Variants in RAPGEF2 observed in about 807,000 individuals in gnomAD.
RAPGEF2 encodes Rap guanine nucleotide exchange factor 2, also known as PDZ domain containing guanine nucleotide exchange factor (GEF) 1.
RAPGEF2 carries 54 observed loss-of-function variants against 186.7 expected under a neutral mutation model. The ratio of observed to expected loss-of-function variants is 0.29; its 90% confidence interval spans 0.23 to 0.36. The LOEUF is 0.36. Among genes scored for constraint, RAPGEF2 ranks in the 10% least tolerant of loss-of-function variants. The pLI is 1.00. For missense variants in RAPGEF2, 1,532 were observed against 2,045.0 expected, an observed-to-expected ratio of 0.75 and a Z score of 4.84; for synonymous variants, 712 against 705.9, an observed-to-expected ratio of 1.01 and a Z score of -0.14.
At chr4:159,164,097 T>C (rs565260074) in intron 1 of RAPGEF2, among the ~76,000 whole-genome samples, 101 of 151,840 alleles carry the variant, frequency 6.7e-4, no homozygotes, top group Non-Finnish European at 1.1e-3. Context: ...CTCCACCTCC[T>C]GGGTTCACGC....
chr4:159,273,656 TTCTTTCTTTC>T lies in RAPGEF2; in HGVS notation c.543+29867_543+29876del, dbSNP rs1216823741. ...TTTCTTTCTTTCTTTCTTTCTTTCT[TTCTTTCTTTC>T]TTTCTTTCTTTCTTTCTTTCTTTCT... On this transcript the variant is annotated intron_variant, in intron 7 of 29. Transcript: ENST00000691494. Among the ~76,000 whole-genome samples, 4 of 147,054 alleles carry T rather than the reference TTCTTTCTTTC, an allele frequency of 2.7e-5. No individual in the cohort carries two copies. In the East Asian group the frequency reaches 7.9e-4, roughly 29 times the overall value.
At chr4:159,301,859 TAAAATAA>T (rs1429663447) in intron 7 of RAPGEF2, among the ~76,000 whole-genome samples, 1 of 152,104 alleles carries the variant, frequency 6.6e-6, no homozygotes, top group Non-Finnish European at 1.5e-5. Flanking sequence ...ACCCTGTCTT[TAAAATAA>T]AAAATAAAAA....
intron 7 of RAPGEF2, among the ~76,000 whole-genome samples, chr4:159,257,102 T>G (rs2111536054): frequency 6.6e-6 from 1 of 152,294 alleles, no homozygotes; most frequent in Admixed American, 6.5e-5. Flanking sequence ...GTTTTTGTTT[T>G]GTTTTGTTTT....
chr4:159,337,895 A>AAAAAAAAAAAAAAAAAAAG (rs1767670256), intron 17 of RAPGEF2, among the ~76,000 whole-genome samples: 3 of 145,956 alleles, frequency 2.1e-5, no homozygotes, highest in Admixed American at 1.4e-4. Context: ...ATCTCAAAAA[A>AAAAAAAAAAAAAAAAAAAG]AAAAAAAAAA....
intron 7 of RAPGEF2, among the ~76,000 whole-genome samples, chr4:159,267,584 C>T (rs955610777): frequency 2.6e-5 from 4 of 152,164 alleles, no homozygotes; most frequent in South Asian, 2.1e-4. Flanking sequence ...CCGATTCACA[C>T]GCTCTGCCCT....
At chr4:159,183,157 T>G (rs1021244329) in intron 1 of RAPGEF2, among the ~76,000 whole-genome samples, 4 of 152,168 alleles carry the variant, frequency 2.6e-5, no homozygotes, top group Non-Finnish European at 5.9e-5. Flanking sequence ...ACACTCACAA[T>G]TCACAGTTTC....
intron 7 of RAPGEF2, among the ~76,000 whole-genome samples, chr4:159,260,639 A>G (rs1445664878): frequency 6.6e-6 from 1 of 152,202 alleles, no homozygotes; most frequent in Admixed American, 6.5e-5. Context: ...TAGCACAGGT[A>G]TTTGACACTC....
chr4:159,228,797 TAAAC>T (rs1579524912), intron 4 of RAPGEF2, among the ~76,000 whole-genome samples: 1 of 152,250 alleles, frequency 6.6e-6, no homozygotes, highest in East Asian at 1.9e-4. Context: ...TTTTGCTTCT[TAAAC>T]TAATGAGTCA....
At position 159,352,684 on chromosome 4, in the gene RAPGEF2, G is replaced by A; in HGVS notation, c.3866-1G>A. On this transcript the variant is annotated splice_acceptor_variant, in intron 26 of 29. Transcript: ENST00000691494. LOFTEE classifies it high-confidence loss of function. ...TTAATACGGTTGTATTTCTCATGCA[G>A]GCTATACTTTGGCTCCCAGTGGTAC... The A allele has an allele frequency of 6.2e-7, 1 of 1,608,738 alleles. No individual in the cohort carries two copies. The highest frequency in any genetic ancestry group is 8.5e-7 in the Non-Finnish European group (1 of 1,175,112).
chr4:159,234,650 G>A (rs1418394424), intron 4 of RAPGEF2, among the ~76,000 whole-genome samples: 1 of 149,694 alleles, frequency 6.7e-6, no homozygotes, highest in East Asian at 2.0e-4. Context: ...CCACCTCCCA[G>A]GTTCATGCCG....
rs752947170 is a variant in RAPGEF2 at position 159,322,490 on chromosome 4, A to G, written c.990+7A>G. 5.6e-6 allele frequency: 9 copies of G among 1,612,068 alleles called. No individual in the cohort carries two copies. The highest frequency in any genetic ancestry group is 5.5e-5 in the South Asian group (5 of 90,862). ...GTTAAATGATGGTGAAGAGGTGAGT[A>G]ACTATTCCTACCACTTAAAAAGTTT... On this transcript the variant is annotated splice_region_variant and intron_variant, in intron 10 of 29. Transcript: ENST00000691494.
intron 13 of RAPGEF2, chr4:159,330,716 A>C: frequency 2.2e-6 from 1 of 460,952 alleles, no homozygotes; most frequent in Non-Finnish European, 3.8e-6. Context: ...AGCCTTCTTT[A>C]AACACAAAGG....
chr4:159,253,936 C>G (rs1280246957), intron 7 of RAPGEF2, among the ~76,000 whole-genome samples: 1 of 151,942 alleles, frequency 6.6e-6, no homozygotes, highest in East Asian at 1.9e-4. Context: ...GAGCGAGACT[C>G]CGTCTCAAAA....
intron 7 of RAPGEF2, among the ~76,000 whole-genome samples, chr4:159,292,304 G>C (rs1188542281): frequency 6.6e-6 from 1 of 152,092 alleles, no homozygotes; most frequent in East Asian, 1.9e-4. Flanking sequence ...CCTACCTTGG[G>C]CTTTTGCTCT....
At chr4:159,261,227 A>G (rs1201129808) in intron 7 of RAPGEF2, among the ~76,000 whole-genome samples, 1 of 151,356 alleles carries the variant, frequency 6.6e-6, no homozygotes, top group African/African-American at 2.4e-5. Context: ...AGACTGGCTA[A>G]TTTTTTTTGT....
chr4:159,305,782 T>C (rs1361437793), intron 8 of RAPGEF2, among the ~76,000 whole-genome samples: 1 of 152,154 alleles, frequency 6.6e-6, no homozygotes, highest in Non-Finnish European at 1.5e-5. Flanking sequence ...TAGATTGTCT[T>C]CTAATATTTT....
intron 8 of RAPGEF2, among the ~76,000 whole-genome samples, chr4:159,306,792 T>C (rs1763353081): frequency 6.6e-6 from 1 of 152,154 alleles, no homozygotes; most frequent in African/African-American, 2.4e-5. Context: ...TTAAAGTCCA[T>C]ACTGAGTGTG....
At chr4:159,356,220 C>T in intron 29 of RAPGEF2, 62 bp downstream of exon 29, 4 of 1,486,868 alleles carry the variant, frequency 2.7e-6, no homozygotes, top group African/African-American at 1.4e-5. Context: ...TGCTGCTTCC[C>T]AAGGCATTTC....
chr4:159,333,460 C>T (rs191533549), intron 17 of RAPGEF2, among the ~76,000 whole-genome samples: 1 of 152,036 alleles, frequency 6.6e-6, no homozygotes, highest in East Asian at 1.9e-4. Flanking sequence ...TCTGTTTTCC[C>T]CTCTCTCTTC....
Sources: allele counts gnomAD v4.1 joint callset (sites outside exome capture counted in the v4.1 genomes callset), GRCh38; gene constraint gnomAD v4.1.1; transcripts MANE v1.5; gene names NCBI Gene and HGNC (gene_info 2026-07-23, HGNC 2026-07-21).